CCDC88C: variants seen among roughly 807,000 people sequenced by gnomAD.
CCDC88C encodes coiled-coil and HOOK domain protein 88C, also known as protein Daple.
In CCDC88C, 131 loss-of-function variants were observed where a neutral mutation model predicts 198.8. The ratio of observed to expected loss-of-function variants is 0.66; its 90% CI spans 0.57 to 0.76. CCDC88C has a LOEUF of 0.76. Ranked by LOEUF, CCDC88C falls within the 30% of genes least tolerant of loss-of-function variation. The pLI is 0.00. For missense variants in CCDC88C, 2,553 were observed against 2,631.6 expected, an observed-to-expected ratio of 0.97 and a Z score of 0.65; for synonymous variants, 1,166 against 1,114.7, an observed-to-expected ratio of 1.05 and a Z score of -0.92.
intron 13 of CCDC88C, among the ~76,000 whole-genome samples, chr14:91,316,865 C>A (rs910101415): frequency 1.3e-5 from 2 of 152,218 alleles, no homozygotes; most frequent in Admixed American, 6.5e-5. Context: ...ACCTGATGAA[C>A]CTGCTGGGCT....
intron 20 of CCDC88C, among the ~76,000 whole-genome samples, chr14:91,301,448 G>A (rs1891278845): frequency 1.3e-5 from 2 of 152,250 alleles, no homozygotes; most frequent in East Asian, 3.8e-4. Context: ...CAGCACGGTG[G>A]CTCACGCCTA....
chr14:91,376,245 T>C (rs1884403977), intron 3 of CCDC88C, among the ~76,000 whole-genome samples: 1 of 152,188 alleles, frequency 6.6e-6, no homozygotes, highest in Non-Finnish European at 1.5e-5. Flanking sequence ...GCCGGGCATA[T>C]GCATGTCTGG....
At chr14:91,337,903 G>A in intron 10 of CCDC88C, 102 bp downstream of exon 10, 2 of 1,426,660 alleles carry the variant, frequency 1.4e-6, no homozygotes, top group South Asian at 2.4e-5. Context: ...TGAAACAGCT[G>A]TGGCTCCGCT....
At chr14:91,402,279 G>GCAACAA (rs137911583) in intron 3 of CCDC88C, among the ~76,000 whole-genome samples, 30 of 151,814 alleles carry the variant, frequency 2.0e-4, no homozygotes, top group Non-Finnish European at 4.0e-4. Flanking sequence ...GTCTCAAACA[G>GCAACAA]CAACAACAAC....
At chr14:91,300,199 G>A (rs1891210548) in intron 20 of CCDC88C, 129 bp from the exon 21 acceptor site, 1 of 1,351,980 alleles carries the variant, frequency 7.4e-7, no homozygotes, top group African/African-American at 1.4e-5. Context: ...CTCTGCAGAA[G>A]TGAGGGGCAT....
At position 91,371,502 on chromosome 14, in the gene CCDC88C, CAGG is replaced by C. The variant is rs1395228990; in HGVS notation, c.271-11794_271-11792del. 6.6e-6 allele frequency among the ~76,000 whole-genome samples: 1 copy of C among 152,038 alleles called. No individual in the cohort carries two copies. Among genetic ancestry groups the C allele is most frequent in the African/African-American group, 2.4e-5 (1 of 41,368 alleles). ...GCAGGAGTACAGAGGCCGGCGGTGG[CAGG>C]AGTACAGCACAGACCAAGACCACAG... On this transcript the variant is annotated intron_variant, in intron 3 of 29. Coordinates refer to ENST00000389857, the MANE Select transcript of CCDC88C (RefSeq NM_001080414.4). This position sits in a 1 kb window ranked among gnomAD's most constrained non-coding sequence, Gnocchi z 4.2.
intron 19 of CCDC88C, 103 bp from the exon 20 acceptor site, chr14:91,304,081 C>T: frequency 7.2e-7 from 1 of 1,383,048 alleles, no homozygotes; most frequent in East Asian, 2.3e-5. Flanking sequence ...AGCCGGGACC[C>T]TCAGGGCAGA....
In CCDC88C at chr14:91,303,817, G is replaced by T; in HGVS notation, c.3519C>A (p.His1173Gln). The T allele has an allele frequency of 6.2e-7, 1 of 1,613,356 alleles. No individual in the cohort carries two copies. The highest frequency in any genetic ancestry group is 8.5e-7 in the Non-Finnish European group (1 of 1,179,904). ...ATTGCCGCTCGTGCAGCGTGCCCAG[G>T]TGCTCGTGGTCCTGCAGCAGGGCCT... Reference protein sequence around the residue: ...AYEALLQDHEHLGTLHERQSA... With the variant: ...AYEALLQDHEQLGTLHERQSA... The change falls in exon 20 of 30, where the codon CAC (histidine) becomes CAA (glutamine). Residue 1173 changes from histidine to glutamine, a missense_variant. Physicochemically the swap from His to Gln is conservative, Grantham distance 24 (BLOSUM62 0). Around this residue, in one of 2 missense-constraint regions of CCDC88C, gnomAD observed 1,293 missense variants for 1,219.6 expected, o/e 1.06. Transcript: ENST00000389857.
chr14:91,380,398 C>T (rs572330961), intron 3 of CCDC88C, among the ~76,000 whole-genome samples: 1 of 152,002 alleles, frequency 6.6e-6, no homozygotes, highest in African/African-American at 2.4e-5. Flanking sequence ...TAGAAGAGCG[C>T]CAAAAATTAC....
intron 10 of CCDC88C, among the ~76,000 whole-genome samples, chr14:91,334,244 G>A (rs1285772): frequency 0.012 from 1,830 of 152,206 alleles, 30 homozygotes; most frequent in East Asian, 0.022. Flanking sequence ...CTCAATTCAC[G>A]GATGCATTTC....
intron 24 of CCDC88C, among the ~76,000 whole-genome samples, chr14:91,290,418 C>G (rs1433812753): frequency 6.6e-6 from 1 of 152,236 alleles, no homozygotes; most frequent in Non-Finnish European, 1.5e-5. Flanking sequence ...CCAGGACAAT[C>G]CGAAGGGACA....
At chr14:91,399,934 C>T (rs577235119) in intron 3 of CCDC88C, among the ~76,000 whole-genome samples, 15 of 151,842 alleles carry the variant, frequency 9.9e-5, no homozygotes, top group East Asian at 1.9e-4. Context: ...CCGCAAGAGA[C>T]GCCCCAACCT....
chr14:91,402,173 G>C (rs891797819), intron 3 of CCDC88C, among the ~76,000 whole-genome samples: 1 of 152,156 alleles, frequency 6.6e-6, no homozygotes, highest in Non-Finnish European at 1.5e-5. Flanking sequence ...CTACTCAGGA[G>C]GCTGAGGTGG....
intron 26 of CCDC88C, among the ~76,000 whole-genome samples, chr14:91,282,247 A>G (rs1255507615): frequency 1.3e-5 from 2 of 152,182 alleles, no homozygotes; most frequent in South Asian, 2.1e-4. Context: ...TGTTGTTCAG[A>G]CTCAAGGTTC....
chr14:91,290,788 T>TG (rs1890629206), intron 24 of CCDC88C, among the ~76,000 whole-genome samples: 1 of 152,152 alleles, frequency 6.6e-6, no homozygotes, highest in South Asian at 2.1e-4. Flanking sequence ...TGTGTCTCAT[T>TG]GGGGTCACCA....
At chr14:91,402,045 C>T (rs532936634) in intron 3 of CCDC88C, among the ~76,000 whole-genome samples, 12 of 152,164 alleles carry the variant, frequency 7.9e-5, no homozygotes, top group African/African-American at 2.9e-4. Flanking sequence ...GAGGGTGAGG[C>T]GGGAGGATTG....
In CCDC88C at chr14:91,361,895, C is replaced by T. The variant is rs749602145; in HGVS notation, c.271-2184G>A. Among the ~76,000 whole-genome samples the T allele has an allele frequency of 2.6e-5, 4 of 152,268 alleles. No homozygotes were observed. The Middle Eastern group carries it at 0.014, about 518-fold the overall frequency. On this transcript the variant is annotated intron_variant, in intron 3 of 29. Transcript: ENST00000389857. ...ATTTACTCAGTGAAAGGAGAGTGCC[C>T]AATGACATGAGCCTGTCCGTCACAC...
Position 91,313,807 on chromosome 14 carries a change from C to A in CCDC88C, c.2009G>T (p.Gly670Val). Reference sequence around the variant, plus strand: ...CAGAGTCCGGTTCTCCAGCTGCAGGCCCTGGCTCTCATGCTCCAGGGCCTC... The same window carrying A: ...CAGAGTCCGGTTCTCCAGCTGCAGGACCTGGCTCTCATGCTCCAGGGCCTC... ...KVEALEHESQ[G>V]LQLENRTLRK... The change falls in exon 15 of 30, where the codon GGC (glycine) becomes GTC (valine). Residue 670 changes from glycine (G) to valine (V), a missense_variant. Physicochemically the swap from Gly to Val is moderately radical, Grantham distance 109. Around this residue, in one of 2 missense-constraint regions of CCDC88C, gnomAD observed 1,260 missense variants for 1,412.0 expected, o/e 0.89. Transcript: ENST00000389857. The surrounding 1 kb of genome is among the most constrained non-coding windows in gnomAD (Gnocchi z 5.2). 5 of 1,604,980 alleles carry A rather than the reference C, an allele frequency of 3.1e-6. No individual in the cohort carries two copies. Among genetic ancestry groups the A allele is most frequent in the Non-Finnish European group, 4.2e-6 (5 of 1,178,264 alleles).
At chr14:91,408,371 C>T (rs1374183161) in intron 3 of CCDC88C, 7 of 338,164 alleles carry the variant, frequency 2.1e-5, no homozygotes, top group South Asian at 6.2e-5. Context: ...CACTCAACTG[C>T]ATTCTCGGGG....
Sources: allele counts gnomAD v4.1 joint callset (sites outside exome capture counted in the v4.1 genomes callset), GRCh38; gene constraint gnomAD v4.1.1; regional missense constraint gnomAD v4.1.1; non-coding constraint Gnocchi (gnomAD v3.1); transcripts MANE v1.5; gene names NCBI Gene and HGNC (gene_info 2026-07-23, HGNC 2026-07-21).